Variants in COL22A1 observed in about 807,000 individuals in gnomAD.
The protein encoded by COL22A1 is collagen type XXII alpha 1 chain.
A neutral mutation model predicts 248.9 loss-of-function variants in COL22A1; 221 were observed. The observed-to-expected ratio is 0.89, with a 90% CI of 0.80 to 0.99. The LOEUF (loss-of-function observed/expected upper bound fraction) is 0.99, where lower values mean the gene tolerates loss of function less well. Among genes scored for constraint, COL22A1 ranks in the 50% least tolerant of loss-of-function variants. The pLI is 0.00. For missense variants in COL22A1, 2,240 were observed against 2,179.0 expected (o/e 1.03, Z -0.56); for synonymous variants, 891 against 793.4 (o/e 1.12, Z -2.07).
At chr8:138,851,790 T>G (rs1463637489) in intron 3 of COL22A1, among the ~76,000 whole-genome samples, 1 of 152,168 alleles carries the variant, frequency 6.6e-6, no homozygotes, top group African/African-American at 2.4e-5. Context: ...CACCTGGCAC[T>G]GAAGTGATCC....
Position 138,626,257 on chromosome 8 carries a change from G to A in COL22A1, c.3664-14C>T. ...GCCTTCTTTCCCCTAAAAGATCCAAGACATAAAAACACCATGAAACCTCTG... is the reference window on the plus strand; with the variant it reads ...GCCTTCTTTCCCCTAAAAGATCCAAAACATAAAAACACCATGAAACCTCTG... On this transcript the variant is annotated splice_polypyrimidine_tract_variant and intron_variant, in intron 50 of 64. Transcript: ENST00000303045. 1.2e-6 allele frequency: 2 copies of A among 1,606,156 alleles called. No homozygotes were observed. The highest frequency in any genetic ancestry group is 1.1e-5 in the South Asian group (1 of 89,984).
intron 6 of COL22A1, among the ~76,000 whole-genome samples, chr8:138,823,311 A>G (rs1819308707): frequency 6.6e-6 from 1 of 152,248 alleles, no homozygotes; most frequent in South Asian, 2.1e-4. Context: ...ATAATGAATT[A>G]AGCAAGTTCA....
chr8:138,787,868 T>C (rs531943461), intron 12 of COL22A1, among the ~76,000 whole-genome samples: 1 of 152,284 alleles, frequency 6.6e-6, no homozygotes, highest in Admixed American at 6.5e-5. Flanking sequence ...CCATCTCCTC[T>C]CACCCACTTG....
At chr8:138,752,853 A>T (rs1832713341) in intron 21 of COL22A1, among the ~76,000 whole-genome samples, 1 of 152,222 alleles carries the variant, frequency 6.6e-6, no homozygotes, top group East Asian at 1.9e-4. Flanking sequence ...TTAGAAAGTA[A>T]CTGCTCTGCA....
At chr8:138,628,472 G>A (rs1564115339) in intron 50 of COL22A1, among the ~76,000 whole-genome samples, 1 of 152,114 alleles carries the variant, frequency 6.6e-6, no homozygotes, top group Admixed American at 6.5e-5. Context: ...GCAGATGGAG[G>A]TTGCAGTGAG....
chr8:138,700,986 C>CT, intron 31 of COL22A1, among the ~76,000 whole-genome samples: 1 of 51,670 alleles, frequency 1.9e-5, no homozygotes, highest in Non-Finnish European at 3.5e-5. Context: ...GAGACTCCGT[C>CT]TCAAAAAAAA....
intron 18 of COL22A1, among the ~76,000 whole-genome samples, chr8:138,760,024 C>G (rs1185755474): frequency 6.6e-6 from 1 of 151,838 alleles, no homozygotes; most frequent in African/African-American, 2.4e-5. Context: ...CTTTGCTTTT[C>G]AAATGTATGT....
intron 1 of COL22A1, among the ~76,000 whole-genome samples, chr8:138,889,717 TGCAA>T (rs1255553778): frequency 1.3e-5 from 2 of 152,330 alleles, no homozygotes; most frequent in East Asian, 1.9e-4. Flanking sequence ...AAATATTAGC[TGCAA>T]CTACTGAGCC....
chr8:138,716,909 A>C, intron 27 of COL22A1, 40 bp from the exon 28 acceptor site: 1 of 1,493,574 alleles, frequency 6.7e-7, no homozygotes, highest in Non-Finnish European at 9.3e-7. Context: ...TTCTCCATTC[A>C]CTTTAAAGAG....
chr8:138,869,345 T>A (rs1243379781), intron 3 of COL22A1, among the ~76,000 whole-genome samples: 1 of 152,022 alleles, frequency 6.6e-6, no homozygotes, highest in Non-Finnish European at 1.5e-5. Context: ...ATTGAAGAGG[T>A]GATGGTGCAA....
intron 5 of COL22A1, among the ~76,000 whole-genome samples, chr8:138,831,478 G>T (rs116755537): frequency 2.6e-5 from 4 of 152,294 alleles, no homozygotes; most frequent in African/African-American, 9.6e-5. Flanking sequence ...AACACATTCT[G>T]TACAGAAGTA....
chr8:138,911,283 A>C (rs1363252382), intron 1 of COL22A1, among the ~76,000 whole-genome samples: 1 of 152,242 alleles, frequency 6.6e-6, no homozygotes, highest in Non-Finnish European at 1.5e-5. Context: ...CCTCTTCTAC[A>C]GGGCAGCCCT....
At chr8:138,813,406 T>C (rs1432544746) in intron 7 of COL22A1, among the ~76,000 whole-genome samples, 2 of 152,212 alleles carry the variant, frequency 1.3e-5, no homozygotes, top group East Asian at 3.9e-4. Context: ...CCCCTTTTTC[T>C]TGGCTCTCAT....
chr8:138,847,351 G>T (rs1563839311), intron 3 of COL22A1, among the ~76,000 whole-genome samples: 1 of 152,236 alleles, frequency 6.6e-6, no homozygotes, highest in African/African-American at 2.4e-5. Flanking sequence ...TATTTCATGG[G>T]CCCTTGAGCT....
At chr8:138,823,918 G>C (rs1819367481) in intron 6 of COL22A1, among the ~76,000 whole-genome samples, 1 of 152,140 alleles carries the variant, frequency 6.6e-6, no homozygotes, top group Non-Finnish European at 1.5e-5. Flanking sequence ...ATGAATAAGA[G>C]TCTCTGTAGT....
At chr8:138,693,462 C>G (rs368227363) in intron 35 of COL22A1, among the ~76,000 whole-genome samples, 184 bp downstream of exon 35, 287 of 152,322 alleles carry the variant, frequency 1.9e-3, no homozygotes, top group African/African-American at 6.7e-3. Context: ...AGAAATGCTA[C>G]GAAGGTGGTG....
chr8:138,828,922 G>A (rs1472175184), intron 5 of COL22A1, among the ~76,000 whole-genome samples: 2 of 152,096 alleles, frequency 1.3e-5, no homozygotes, highest in Admixed American at 6.5e-5. Flanking sequence ...CAGCCGTGGG[G>A]GAGCCCAATC....
At chr8:138,730,500 G>A (rs1830632875) in intron 23 of COL22A1, among the ~76,000 whole-genome samples, 1 of 152,128 alleles carries the variant, frequency 6.6e-6, no homozygotes, top group Admixed American at 6.5e-5. Flanking sequence ...CAGGCCTCTG[G>A]TGTCCCGGGA....
At position 138,821,143 on chromosome 8, in the gene COL22A1, G is replaced by A. The variant is rs1450144812; in HGVS notation, c.1238C>T (p.Pro413Leu). 3.1e-6 allele frequency: 5 copies of A among 1,613,214 alleles called. No individual in the cohort carries two copies. Among genetic ancestry groups the A allele is most frequent in the East Asian group, 2.2e-5 (1 of 44,860 alleles). Residue 413 changes from proline to leucine, a missense_variant, in exon 7 of 65, where the codon CCC becomes CTC. Coordinates refer to ENST00000303045, the MANE Select transcript of COL22A1 (RefSeq NM_152888.3). ...VIGKRLYDSV[P>L]IDFDLQRIVI... ...AGGCCCCCTGGTACTCACGTCAATG[G>A]GCACACTGTCGTAGAGGCGCTTGCC...
Sources: allele counts gnomAD v4.1 joint callset (sites outside exome capture counted in the v4.1 genomes callset), GRCh38; gene constraint gnomAD v4.1.1; transcripts MANE v1.5; gene names NCBI Gene and HGNC (gene_info 2026-07-23, HGNC 2026-07-21).